The following RBMS3 variants were observed in gnomAD, a reference collection of about 807,000 sequenced individuals.
RBMS3 encodes the protein RNA-binding motif, single-stranded-interacting protein 3.
Under a neutral mutation model 66.8 loss-of-function variants are expected in RBMS3, and 27 were observed. The observed-to-expected ratio is 0.40, with a 90% CI of 0.30 to 0.56. RBMS3 has a LOEUF of 0.56. Among genes scored for constraint, RBMS3 ranks in the 20% least tolerant of loss-of-function variants. The pLI is 0.40. For missense variants in RBMS3, 513 were observed against 549.5 expected, an observed-to-expected ratio of 0.93 and a Z score of 0.66; for synonymous variants, 188 against 183.0, an observed-to-expected ratio of 1.03 and a Z score of -0.22.
At chr3:29,766,032 C>CAA (rs2055912520) in intron 6 of RBMS3, 2 of 152,056 alleles carry the variant, frequency 1.3e-5, no homozygotes, top group African/African-American at 4.8e-5. Flanking sequence ...GTCCCTCCCA[C>CAA]AACACATGGG....
chr3:29,739,458 G>GAAAAA (rs56861996), intron 4 of RBMS3, among the ~76,000 whole-genome samples: 2 of 129,616 alleles, frequency 1.5e-5, no homozygotes, highest in Non-Finnish European at 3.2e-5. Context: ...TCCGTCTCAA[G>GAAAAA]AAAAAAAAAA....
intron 6 of RBMS3, among the ~76,000 whole-genome samples, chr3:29,773,638 C>A (rs187950221): frequency 6.6e-6 from 1 of 152,130 alleles, no homozygotes; most frequent in Non-Finnish European, 1.5e-5. Context: ...AGTGTTTGCC[C>A]GTGGCCATCA....
At chr3:29,430,201 G>A (rs2041125993) in intron 1 of RBMS3, among the ~76,000 whole-genome samples, 1 of 152,004 alleles carries the variant, frequency 6.6e-6, no homozygotes, top group African/African-American at 2.4e-5. Flanking sequence ...GAATCAATCA[G>A]TGCATCATCA....
chr3:29,746,890 T>C (rs2054922439), intron 5 of RBMS3, among the ~76,000 whole-genome samples: 1 of 152,198 alleles, frequency 6.6e-6, no homozygotes, highest in Non-Finnish European at 1.5e-5. Flanking sequence ...TACGAAATAA[T>C]GCCCTCTGTG....
At chr3:29,369,454 T>G (rs1213037381) in intron 1 of RBMS3, among the ~76,000 whole-genome samples, 1 of 149,470 alleles carries the variant, frequency 6.7e-6, no homozygotes, top group Non-Finnish European at 1.5e-5. Context: ...TAAGCCAGTG[T>G]CCCCACCTCA....
intron 6 of RBMS3, among the ~76,000 whole-genome samples, chr3:29,857,255 T>C (rs1317540000): frequency 6.6e-6 from 1 of 152,186 alleles, no homozygotes; most frequent in Non-Finnish European, 1.5e-5. Context: ...TGACCTGAGT[T>C]GGAGTTCAGT....
intron 12 of RBMS3, among the ~76,000 whole-genome samples, chr3:29,944,642 G>A (rs1381471764): frequency 6.6e-6 from 1 of 151,634 alleles, no homozygotes; most frequent in Non-Finnish European, 1.5e-5. Context: ...AATAGTTTGA[G>A]AAGCACTGCT....
chr3:29,407,996 G>A (rs193246997), intron 1 of RBMS3, among the ~76,000 whole-genome samples: 2 of 152,158 alleles, frequency 1.3e-5, no homozygotes, highest in Admixed American at 1.3e-4. Flanking sequence ...AAATTGGCTG[G>A]GCACGGTGAC....
rs537019764 is a variant in RBMS3, at chr3:29,984,886, C to T, written c.1099-3257C>T. Among the ~76,000 whole-genome samples, 4 of 152,196 alleles carry T rather than the reference C, an allele frequency of 2.6e-5. No individual in the cohort carries two copies. In the East Asian group the frequency reaches 7.8e-4, roughly 30 times the overall value. ...ACTTGAGGAGGCAGTCTGTCAGGGA[C>T]CCACTTGAGGGACCCACTTGAGGAG... On this transcript the variant is annotated intron_variant, in intron 12 of 14. Coordinates refer to ENST00000383767, the MANE Select transcript of RBMS3 (RefSeq NM_001003793.3).
At chr3:29,950,501 T>A (rs979730860) in intron 12 of RBMS3, among the ~76,000 whole-genome samples, 7 of 151,802 alleles carry the variant, frequency 4.6e-5, no homozygotes, top group African/African-American at 1.7e-4. Context: ...CAGCACAAAG[T>A]GGGCACTTGA....
chr3:29,639,141 C>T (rs9833015), intron 4 of RBMS3, among the ~76,000 whole-genome samples: 12,001 of 151,714 alleles, frequency 0.079, 834 homozygotes, highest in East Asian at 0.36. Context: ...GCTTTAGGCA[C>T]GTTTACATGG....
intron 6 of RBMS3, among the ~76,000 whole-genome samples, chr3:29,839,860 G>T (rs565009447): frequency 4.6e-5 from 7 of 151,592 alleles, no homozygotes; most frequent in African/African-American, 9.7e-5. Context: ...TACTAAACAC[G>T]AAATACAAAA....
chr3:29,368,504 G>C (rs890537537), intron 1 of RBMS3, among the ~76,000 whole-genome samples: 2 of 151,860 alleles, frequency 1.3e-5, no homozygotes, highest in Admixed American at 1.3e-4. Flanking sequence ...ATTCTAAAAG[G>C]CTTCAATCTG....
chr3:29,578,955 CCG>C lies in RBMS3; in HGVS notation c.308-8155_308-8154del, dbSNP rs1295310243. ...TAGCTGGGACTACAGGCGCCCGCCA[CCG>C]CGCCCGGCTAATTTTTTGTATTTTT... On this transcript the variant is annotated intron_variant, in intron 3 of 14. Transcript: ENST00000383767. 2.1e-5 allele frequency among the ~76,000 whole-genome samples: 3 copies of C among 144,958 alleles called. No homozygotes were observed. In the East Asian group the frequency reaches 7.2e-4, roughly 35 times the overall value.
chr3:29,838,094 A>G (rs1211101618), intron 6 of RBMS3, among the ~76,000 whole-genome samples: 1 of 151,258 alleles, frequency 6.6e-6, no homozygotes, highest in African/African-American at 2.4e-5. Context: ...TTGGGAGGCC[A>G]AAATGGGAGG....
At chr3:29,735,835 C>A (rs936171526) in intron 4 of RBMS3, among the ~76,000 whole-genome samples, 2 of 152,130 alleles carry the variant, frequency 1.3e-5, no homozygotes, top group African/African-American at 2.4e-5. Context: ...TGGCCTTGGG[C>A]AAGTCATAAT....
intron 1 of RBMS3, among the ~76,000 whole-genome samples, chr3:29,361,623 G>T (rs1454509121): frequency 1.3e-5 from 2 of 152,132 alleles, no homozygotes; most frequent in Non-Finnish European, 2.9e-5. Context: ...AGTTCTCCTG[G>T]ATAATATCTT....
intron 5 of RBMS3, among the ~76,000 whole-genome samples, chr3:29,761,634 C>T (rs978390550): frequency 6.6e-6 from 1 of 152,116 alleles, no homozygotes; most frequent in Middle Eastern, 3.2e-3. Context: ...ACTTACTTGA[C>T]ATTTGTTAGC....
intron 12 of RBMS3, among the ~76,000 whole-genome samples, chr3:29,985,796 C>T (rs947910246): frequency 1.3e-5 from 2 of 152,148 alleles, no homozygotes; most frequent in African/African-American, 4.8e-5. Context: ...CCTATTCATC[C>T]GTCTTGCCAA....
Sources: allele counts gnomAD v4.1 joint callset (sites outside exome capture counted in the v4.1 genomes callset), GRCh38; gene constraint gnomAD v4.1.1; transcripts MANE v1.5; gene names NCBI Gene and HGNC (gene_info 2026-07-23, HGNC 2026-07-21).